The following FBN1 variants were observed in gnomAD, a reference collection of about 807,000 sequenced individuals.
FBN1 encodes the protein fibrillin-1.
In FBN1, 29 loss-of-function variants were observed where a neutral mutation model predicts 365.1. The ratio of observed to expected loss-of-function variants is 0.08; its 90% CI spans 0.06 to 0.11. The LOEUF (loss-of-function observed/expected upper bound fraction) is 0.11. FBN1 is among the 10% of genes least tolerant of loss of function. The pLI, the probability that FBN1 is intolerant of heterozygous loss-of-function variation, is 1.00. For missense variants in FBN1, 2,476 were observed against 3,703.2 expected (o/e 0.67, Z 8.60); for synonymous variants, 1,210 against 1,270.5 (o/e 0.95, Z 1.01).
intron 2 of FBN1, among the ~76,000 whole-genome samples, chr15:48,614,784 T>C (rs574026204): frequency 8.5e-5 from 13 of 152,206 alleles, no homozygotes; most frequent in African/African-American, 3.1e-4. Context: ...ATATGTCAAA[T>C]AATGGACATG....
At chr15:48,426,911 A>G (rs2042983240) in intron 58 of FBN1, among the ~76,000 whole-genome samples, 1 of 151,644 alleles carries the variant, frequency 6.6e-6, no homozygotes, top group Non-Finnish European at 1.5e-5. Context: ...ATCCTTCTTA[A>G]CCTCCTTCTT....
intron 2 of FBN1, among the ~76,000 whole-genome samples, chr15:48,628,483 C>T (rs897972578): frequency 1.3e-5 from 2 of 152,168 alleles, no homozygotes; most frequent in Non-Finnish European, 2.9e-5. Flanking sequence ...ACATTGAGTG[C>T]TTCCACCTTG....
At chr15:48,416,333 A>G (rs2042903433) in intron 63 of FBN1, among the ~76,000 whole-genome samples, 1 of 152,120 alleles carries the variant, frequency 6.6e-6, no homozygotes, top group Non-Finnish European at 1.5e-5. Context: ...TGTCTGCCCC[A>G]CGTGTCTGCC....
intron 6 of FBN1, among the ~76,000 whole-genome samples, chr15:48,593,888 A>G (rs2044498105): frequency 6.6e-6 from 1 of 152,126 alleles, no homozygotes; most frequent in Non-Finnish European, 1.5e-5. Flanking sequence ...CCGGATCTGC[A>G]CTTTAAAAAA....
At chr15:48,525,919 C>T (rs1209597792) in intron 9 of FBN1, among the ~76,000 whole-genome samples, 1 of 152,170 alleles carries the variant, frequency 6.6e-6, no homozygotes, top group Non-Finnish European at 1.5e-5. Flanking sequence ...CCTGGATCAT[C>T]CCTCTTTTAT....
intron 7 of FBN1, among the ~76,000 whole-genome samples, chr15:48,534,538 T>G (rs2043999016): frequency 6.6e-6 from 1 of 152,232 alleles, no homozygotes; most frequent in Admixed American, 6.5e-5. Context: ...AAGGCCATTA[T>G]TCACGGCCTC....
At chr15:48,631,137 T>A (rs1000006410) in intron 2 of FBN1, among the ~76,000 whole-genome samples, 1 of 152,068 alleles carries the variant, frequency 6.6e-6, no homozygotes, top group Non-Finnish European at 1.5e-5. Context: ...TCTCCGAAAG[T>A]CAACTCTCAT....
intron 2 of FBN1, among the ~76,000 whole-genome samples, chr15:48,633,418 T>C (rs1597645462): frequency 6.6e-6 from 1 of 152,308 alleles, no homozygotes; most frequent in East Asian, 1.9e-4. Flanking sequence ...CCCAGGTCAT[T>C]TGACTCTTTG....
chr15:48,469,627 A>G (rs2043354419), intron 36 of FBN1, among the ~76,000 whole-genome samples: 1 of 151,250 alleles, frequency 6.6e-6, no homozygotes, highest in African/African-American at 2.4e-5. Context: ...GGATCTGGCA[A>G]CCCTCCTGCG....
At chr15:48,503,692 C>G in intron 17 of FBN1, 95 bp downstream of exon 17, 1 of 1,563,410 alleles carries the variant, frequency 6.4e-7, no homozygotes, top group East Asian at 2.2e-5. Context: ...ACCTGGAGAG[C>G]AAAATGTCAT....
chr15:48,503,313 AAG>A (rs767284835), intron 17 of FBN1, among the ~76,000 whole-genome samples: 11,880 of 138,944 alleles, frequency 0.086, 639 homozygotes, highest in Non-Finnish European at 0.12. Flanking sequence ...AAAAAAAAAA[AAG>A]AAGAAGAAGA....
At chr15:48,609,358 G>A (rs2044640141) in intron 4 of FBN1, among the ~76,000 whole-genome samples, 1 of 152,226 alleles carries the variant, frequency 6.6e-6, no homozygotes, top group Non-Finnish European at 1.5e-5. Context: ...AAAGGTGGCT[G>A]TTACTGTGTG....
chr15:48,462,960 G>C (rs1344982083), intron 42 of FBN1, 122 bp downstream of exon 42: 1 of 995,464 alleles, frequency 1.0e-6, no homozygotes, highest in Non-Finnish European at 1.6e-6. Context: ...ATCATGAGCC[G>C]TTTTTTTCCC....
intron 56 of FBN1, 69 bp downstream of exon 56, chr15:48,430,602 A>G: frequency 6.3e-7 from 1 of 1,586,280 alleles, no homozygotes; most frequent in Non-Finnish European, 8.7e-7. Flanking sequence ...AAGAACTCAG[A>G]GCCCAGGTTC....
In FBN1 at chr15:48,467,144, T is replaced by C. The variant is rs138065913; in HGVS notation, c.4747+794A>G. Among the ~76,000 whole-genome samples, 1,193 of 152,356 alleles carry C rather than the reference T, an allele frequency of 7.8e-3. 11 individuals carry two copies. The highest frequency in any genetic ancestry group is 0.014 in the African/African-American group (601 of 41,584). ...AACACAGCACTGTGCCTGCTCTTTC[T>C]TCTCTTTCTGAGGCCTATTTTGAAT... On this transcript the variant is annotated intron_variant, in intron 38 of 65. Transcript: ENST00000316623.
chr15:48,614,439 AACTC>A (rs1424537808), intron 2 of FBN1, among the ~76,000 whole-genome samples: 8 of 152,218 alleles, frequency 5.3e-5, no homozygotes, highest in Non-Finnish European at 1.2e-4. Flanking sequence ...ATTTCCTCTG[AACTC>A]ACTACTTCAA....
At chr15:48,435,794 GTGTGTGTGTGTGTGTGTA>G (rs1404457347) in intron 53 of FBN1, among the ~76,000 whole-genome samples, 2 of 116,770 alleles carry the variant, frequency 1.7e-5, no homozygotes, top group African/African-American at 9.6e-5. Context: ...GTGTGTGTGT[GTGTGTGTGTGTGTGTGTA>G]TATATGCCTT....
chr15:48,630,850 G>A (rs1889975475), intron 2 of FBN1, among the ~76,000 whole-genome samples: 2 of 152,086 alleles, frequency 1.3e-5, no homozygotes, highest in South Asian at 2.1e-4. Flanking sequence ...TTTACCCCAC[G>A]GGGATGAGAG....
At chr15:48,515,641 T>A in intron 11 of FBN1, 114 bp from the exon 12 acceptor site, 1 of 1,395,130 alleles carries the variant, frequency 7.2e-7, no homozygotes, top group East Asian at 2.3e-5. Context: ...GGATACTCTT[T>A]GGGCAAAGGT....
Sources: allele counts gnomAD v4.1 joint callset (sites outside exome capture counted in the v4.1 genomes callset), GRCh38; gene constraint gnomAD v4.1.1; transcripts MANE v1.5; gene names NCBI Gene and HGNC (gene_info 2026-07-23, HGNC 2026-07-21).